SSBP2: variants seen among roughly 807,000 people sequenced by gnomAD.
SSBP2 encodes single-stranded DNA-binding protein 2.
A neutral mutation model predicts 61.8 loss-of-function variants in SSBP2; 17 were observed. The ratio of observed to expected loss-of-function variants is 0.28; its 90% CI spans 0.19 to 0.41. The LOEUF (loss-of-function observed/expected upper bound fraction) is 0.41, where lower values mean the gene tolerates loss of function less well. Ranked by LOEUF, SSBP2 falls within the 10% of genes least tolerant of loss-of-function variation. The pLI is 1.00. For missense variants in SSBP2, 310 were observed against 458.7 expected, an observed-to-expected ratio of 0.68 and a Z score of 2.96; for synonymous variants, 139 against 141.3, an observed-to-expected ratio of 0.98 and a Z score of 0.12.
intron 6 of SSBP2, among the ~76,000 whole-genome samples, chr5:81,488,060 A>ATATATATACATTATATAT (rs1561459590): frequency 3.5e-5 from 2 of 56,818 alleles, no homozygotes; most frequent in Non-Finnish European, 6.6e-5. Flanking sequence ...TATATATATA[A>ATATATATACATTATATAT]ATAAAATATC....
At chr5:81,641,854 T>C (rs1472123041) in intron 2 of SSBP2, among the ~76,000 whole-genome samples, 2 of 152,114 alleles carry the variant, frequency 1.3e-5, no homozygotes, top group Non-Finnish European at 2.9e-5. Flanking sequence ...AGAATCATGC[T>C]CTACTGGTTT....
At chr5:81,548,962 T>G (rs1771965024) in intron 4 of SSBP2, among the ~76,000 whole-genome samples, 1 of 152,178 alleles carries the variant, frequency 6.6e-6, no homozygotes, top group Non-Finnish European at 1.5e-5. Flanking sequence ...TTGTCTTTCA[T>G]AAACTGAAAT....
intron 13 of SSBP2, among the ~76,000 whole-genome samples, chr5:81,441,916 A>G (rs1043878430): frequency 6.6e-6 from 1 of 152,216 alleles, no homozygotes; most frequent in African/African-American, 2.4e-5. Flanking sequence ...TGGTAGGCCT[A>G]GTAGCCTGTG....
At chr5:81,440,204 CAACAAT>C (rs1762941330) in intron 14 of SSBP2, among the ~76,000 whole-genome samples, 1 of 144,384 alleles carries the variant, frequency 6.9e-6, no homozygotes, top group African/African-American at 2.9e-5. Flanking sequence ...ACAACAACAA[CAACAAT>C]AACAACAACA....
chr5:81,596,282 G>A (rs900715441), intron 4 of SSBP2, among the ~76,000 whole-genome samples: 2 of 149,252 alleles, frequency 1.3e-5, no homozygotes, highest in African/African-American at 5.0e-5. Context: ...AACTTACAAG[G>A]GATGTGAAGG....
chr5:81,709,136 A>G (rs534451150), intron 1 of SSBP2, among the ~76,000 whole-genome samples: 1 of 152,116 alleles, frequency 6.6e-6, no homozygotes, highest in East Asian at 1.9e-4. Context: ...CTGTATTTGC[A>G]AAGGCTAAAA....
chr5:81,483,082 A>T (rs1189314823), intron 6 of SSBP2, among the ~76,000 whole-genome samples: 1 of 152,186 alleles, frequency 6.6e-6, no homozygotes, highest in Non-Finnish European at 1.5e-5. Flanking sequence ...ATACAGAATT[A>T]TGAATTAAGT....
intron 16 of SSBP2, among the ~76,000 whole-genome samples, chr5:81,428,251 A>T (rs1478916034): frequency 6.6e-6 from 1 of 152,198 alleles, no homozygotes; most frequent in Non-Finnish European, 1.5e-5. Context: ...ACTGAAACAC[A>T]CCTAGTTTTG....
intron 4 of SSBP2, among the ~76,000 whole-genome samples, chr5:81,541,919 T>A (rs1459269677): frequency 6.6e-6 from 1 of 152,168 alleles, no homozygotes; most frequent in Non-Finnish European, 1.5e-5. Context: ...AATTGACAAG[T>A]GGAACCTAAT....
intron 2 of SSBP2, among the ~76,000 whole-genome samples, chr5:81,646,688 A>ATTTT (rs68107334): frequency 5.8e-5 from 5 of 85,946 alleles, no homozygotes; most frequent in Admixed American, 1.5e-4. Flanking sequence ...TGATGATGTC[A>ATTTT]TTTTTTTTTT....
At chr5:81,699,985 G>A (rs1753864658) in intron 1 of SSBP2, among the ~76,000 whole-genome samples, 1 of 151,378 alleles carries the variant, frequency 6.6e-6, no homozygotes, top group African/African-American at 2.4e-5. Flanking sequence ...GTGGCTACAG[G>A]CACCTGCCAC....
chr5:81,501,235 A>G (rs1226843102), intron 5 of SSBP2, among the ~76,000 whole-genome samples: 1 of 44,858 alleles, frequency 2.2e-5, no homozygotes, highest in Admixed American at 1.8e-4. Flanking sequence ...ATATATATAT[A>G]TATATATATA....
intron 1 of SSBP2, among the ~76,000 whole-genome samples, chr5:81,746,436 G>C (rs1038867395): frequency 7.2e-5 from 11 of 152,068 alleles, no homozygotes; most frequent in African/African-American, 2.7e-4. Flanking sequence ...GTAAGTTTCT[G>C]AAGAGATCTC....
intron 5 of SSBP2, among the ~76,000 whole-genome samples, chr5:81,506,029 C>T (rs1398310083): frequency 6.6e-6 from 1 of 152,040 alleles, no homozygotes; most frequent in African/African-American, 2.4e-5. Context: ...TTTAAAAAAG[C>T]TTACTTAGTT....
intron 3 of SSBP2, among the ~76,000 whole-genome samples, chr5:81,618,177 G>A (rs1746240929): frequency 2.5e-5 from 2 of 81,070 alleles, no homozygotes; most frequent in Middle Eastern, 9.8e-3. Context: ...AAAGAGTCAA[G>A]ACCCATCAGT....
intron 1 of SSBP2, among the ~76,000 whole-genome samples, chr5:81,703,874 C>T (rs1203755356): frequency 6.6e-6 from 1 of 152,144 alleles, no homozygotes; most frequent in Non-Finnish European, 1.5e-5. Flanking sequence ...TTCTAGGTTG[C>T]TTCCTTACTG....
chr5:81,416,213 C>CA lies in SSBP2; in HGVS notation c.*4290dup, dbSNP rs1296745707. 1,401 of 102,758 alleles carry CA rather than the reference C, an allele frequency of 0.014. 10 individuals carry two copies. The highest frequency in any genetic ancestry group is 0.026 in the African/African-American group (700 of 27,264). The allele number at this position is 102,758 out of a possible 1,614,324, so 6.4% of individuals were successfully genotyped here. ...CCTGGGTGACAGAGCAAGACTGTCT[C>CA]AAAAAAAAAAAAGAAAAAAAAATTT... On this transcript the variant is annotated 3_prime_UTR_variant, in exon 17 of 17. Transcript: ENST00000320672.
At chr5:81,580,409 C>A (rs899776963) in intron 4 of SSBP2, among the ~76,000 whole-genome samples, 3 of 152,032 alleles carry the variant, frequency 2.0e-5, no homozygotes, top group African/African-American at 7.2e-5. Context: ...AAATTCAACT[C>A]AACCAAATGA....
At chr5:81,542,434 T>C (rs1037348473) in intron 4 of SSBP2, among the ~76,000 whole-genome samples, 2 of 152,044 alleles carry the variant, frequency 1.3e-5, no homozygotes, top group Non-Finnish European at 2.9e-5. Context: ...AATAAATCAT[T>C]CTATCAAAAA....
Sources: allele counts gnomAD v4.1 joint callset (sites outside exome capture counted in the v4.1 genomes callset), GRCh38; gene constraint gnomAD v4.1.1; transcripts MANE v1.5; gene names NCBI Gene and HGNC (gene_info 2026-07-23, HGNC 2026-07-21).